GRM4: variants seen among roughly 807,000 people sequenced by gnomAD.
GRM4 encodes the protein glutamate metabotropic receptor 4, also known as metabotropic glutamate receptor 4.
GRM4 carries 28 observed loss-of-function variants against 81.7 expected under a neutral mutation model. The observed-to-expected ratio is 0.34, with a 90% CI of 0.25 to 0.47. The LOEUF is 0.47. GRM4 is among the 20% of genes least tolerant of loss of function. GRM4 has a pLI of 1.00. For missense variants in GRM4, 948 were observed against 1,290.0 expected, an observed-to-expected ratio of 0.73 and a Z score of 4.06; for synonymous variants, 488 against 528.8, an observed-to-expected ratio of 0.92 and a Z score of 1.06.
chr6:34,153,317 T>C (rs1189153543), intron 1 of GRM4, among the ~76,000 whole-genome samples: 1 of 152,190 alleles, frequency 6.6e-6, no homozygotes, highest in African/African-American at 2.4e-5. Flanking sequence ...CATGCCTGGC[T>C]CAGTCTCTGG....
chr6:34,114,605 T>G lies in GRM4; in HGVS notation c.519+18373A>C, dbSNP rs1437205921. 6.6e-6 allele frequency among the ~76,000 whole-genome samples: 1 copy of G among 152,030 alleles called. No individual in the cohort carries two copies. The highest frequency in any genetic ancestry group is 1.5e-5 in the Non-Finnish European group (1 of 67,990). ...TCACCCTCTGCCCAACCCTCCTGCA[T>G]GCCACATCCCTGTCACAGACAAGCC... On this transcript the variant is annotated intron_variant, in intron 2 of 10. Transcript: ENST00000538487. This position sits in a 1 kb window ranked among gnomAD's most constrained non-coding sequence, Gnocchi z 4.3.
At chr6:34,096,739 C>A (rs1041966311) in intron 2 of GRM4, among the ~76,000 whole-genome samples, 8 of 152,206 alleles carry the variant, frequency 5.3e-5, no homozygotes, top group Admixed American at 2.0e-4. Flanking sequence ...CCCAGGAGAG[C>A]CTCAGCTGAG....
In GRM4 at chr6:34,121,777, A is replaced by G. The variant is rs1223823200; in HGVS notation, c.519+11201T>C. On this transcript the variant is annotated intron_variant, in intron 2 of 10. Transcript: ENST00000538487. This position sits in a 1 kb window ranked among gnomAD's most constrained non-coding sequence, Gnocchi z 4.6. ...AGGAATGGGAGGAGGGACAGGAAGG[A>G]GAATCCAGCCTTCTCCTCACACATG... 1.3e-5 allele frequency among the ~76,000 whole-genome samples: 2 copies of G among 152,174 alleles called. No individual in the cohort carries two copies. The highest frequency in any genetic ancestry group is 4.8e-5 in the African/African-American group (2 of 41,434).
chr6:34,097,773 G>A (rs1008404689), intron 2 of GRM4, among the ~76,000 whole-genome samples: 2 of 152,170 alleles, frequency 1.3e-5, no homozygotes, highest in African/African-American at 4.8e-5. Flanking sequence ...CTGAAGGCTG[G>A]AGCTTTGTTC....
At chr6:34,116,682 C>T (rs1052407471) in intron 2 of GRM4, among the ~76,000 whole-genome samples, 1 of 152,124 alleles carries the variant, frequency 6.6e-6, no homozygotes, top group Non-Finnish European at 1.5e-5. Context: ...GAGAAACGAG[C>T]GTTTACATCC....
At position 34,022,775 on chromosome 6, in the gene GRM4, C is replaced by T; in HGVS notation, c.*46G>A. 6.4e-7 allele frequency: 1 copy of T among 1,567,562 alleles called. No homozygotes were observed. Among genetic ancestry groups the T allele is most frequent in the Non-Finnish European group, 8.8e-7 (1 of 1,137,832 alleles). ...TGTGGCCCTGGCCCGACGCACCTTC[C>T]ACAGGGTCACGGCTCCTCCTCCTGC... On this transcript the variant is annotated 3_prime_UTR_variant, in exon 11 of 11. Coordinates refer to ENST00000538487, the MANE Select transcript of GRM4 (RefSeq NM_000841.4). This position sits in a 1 kb window ranked among gnomAD's most constrained non-coding sequence, Gnocchi z 5.6.
rs1022283015 is a variant in GRM4 at position 34,027,470 on chromosome 6, A to G, written c.2689+650T>C. On this transcript the variant is annotated intron_variant, in intron 10 of 10. Transcript: ENST00000538487. ...GGTCTCCCCGGACAGTCCCCCAGAC[A>G]GGCAACTACCTGAGCGCCGCTAGGC... Among the ~76,000 whole-genome samples, 6 of 152,202 alleles carry G rather than the reference A, an allele frequency of 3.9e-5. 1 individual carries two copies. In the South Asian group the frequency reaches 6.2e-4, roughly 16 times the overall value.
At chr6:34,050,850 G>C (rs535713454) in intron 6 of GRM4, among the ~76,000 whole-genome samples, 12 of 152,262 alleles carry the variant, frequency 7.9e-5, no homozygotes, top group African/African-American at 2.6e-4. Flanking sequence ...CTCGCAGGAC[G>C]GCTCCCCAGG....
At position 34,152,816 on chromosome 6, in the gene GRM4, A is replaced by G. The variant is rs1771071430; in HGVS notation, c.312+2263T>C. The stretch of plus-strand genomic sequence containing the variant: ...TGGAGTGGGGTATGAGGCCCCCACA[A>G]TGGAAGACAAGGGGGACAGGCAGGA... On this transcript the variant is annotated intron_variant, in intron 1 of 8. Coordinates refer to the GRM4 transcript ENST00000374177. This position sits in a 1 kb window ranked among gnomAD's most constrained non-coding sequence, Gnocchi z 4.1. 6.7e-6 allele frequency among the ~76,000 whole-genome samples: 1 copy of G among 148,854 alleles called. No individual in the cohort carries two copies. Among genetic ancestry groups the G allele is most frequent in the Non-Finnish European group, 1.5e-5 (1 of 66,882 alleles).
Position 34,101,270 on chromosome 6 carries a change from T to G in GRM4, c.520-9171A>C, listed in dbSNP as rs143006773. ...AGTAGCTTCATGCACCTTAACACCT[T>G]CAATCTTACCATAGTCCTATGAGGT... On this transcript the variant is annotated intron_variant, in intron 2 of 10. Transcript: ENST00000538487. Among the ~76,000 whole-genome samples the G allele has an allele frequency of 8.7e-3, 1,329 of 152,272 alleles. 7 individuals carry two copies. Among genetic ancestry groups the G allele is most frequent in the Non-Finnish European group, 0.015 (996 of 68,010 alleles).
rs1411461823 is a variant in GRM4 at position 34,091,975 on chromosome 6, G to A, written c.644C>T (p.Ala215Val). The change falls in exon 3 of 11, where the codon GCC becomes GTC. Residue 215 changes from alanine to valine, a missense_variant. Transcript: ENST00000538487. ...TGTGGACACATAGTTCCACTTGAGG[G>A]CACGGACGATGTCCACCATGGCCTG... ...QAQAMVDIVR[A>V]LKWNYVSTVA... 3.7e-6 allele frequency: 6 copies of A among 1,614,068 alleles called. No homozygotes were observed. In the Admixed American group the frequency reaches 1.0e-4, roughly 27 times the overall value.
intron 2 of GRM4, among the ~76,000 whole-genome samples, chr6:34,093,078 GGGGAA>G (rs1180486371): frequency 6.6e-6 from 1 of 152,192 alleles, no homozygotes; most frequent in Non-Finnish European, 1.5e-5. Context: ...AGACAGGGGT[GGGGAA>G]TGCATATTGA....
chr6:34,148,405 C>CAG (rs904445449), upstream of GRM4, among the ~76,000 whole-genome samples: 4 of 2,848 alleles, frequency 1.4e-3, no homozygotes, highest in East Asian at 0.029. Context: ...GAGACACACA[C>CAG]ACAGACACAT....
At position 34,154,968 on chromosome 6, in the gene GRM4, C is replaced by T. The variant is rs181167474; in HGVS notation, c.312+111G>A. 2.3e-3 allele frequency: 2,101 copies of T among 895,498 alleles called. 8 individuals are homozygous for T. The highest frequency in any genetic ancestry group is 0.012 in the South Asian group (510 of 43,588). The allele number at this position is 895,498 out of a possible 1,614,324, so 55.5% of individuals were successfully genotyped here. ...GCCCTCATTGCACCCAGCGGCCGGG[C>T]CTGGGGCGGGTCCGAGCGGGACCCA... On this transcript the variant is annotated intron_variant, in intron 1 of 8. Coordinates refer to the GRM4 transcript ENST00000374177.
Position 34,104,726 on chromosome 6 carries a change from T to C in GRM4, c.520-12627A>G, listed in dbSNP as rs537145941. 1.5e-4 allele frequency among the ~76,000 whole-genome samples: 23 copies of C among 152,196 alleles called. No homozygotes were observed. In the South Asian group the frequency reaches 4.8e-3, roughly 32 times the overall value. On this transcript the variant is annotated intron_variant, in intron 2 of 10. Coordinates refer to ENST00000538487, the MANE Select transcript of GRM4 (RefSeq NM_000841.4). Reference sequence around the variant, plus strand: ...GCTGAGAGTCCCTGTTCCAGGTGTTTCCCCACCACATCCCTTGGGTGCCAC... The same window carrying C: ...GCTGAGAGTCCCTGTTCCAGGTGTTCCCCCACCACATCCCTTGGGTGCCAC...
chr6:34,044,363 G>GAC (rs1214470954), intron 6 of GRM4, among the ~76,000 whole-genome samples: 3 of 85,024 alleles, frequency 3.5e-5, no homozygotes, highest in South Asian at 3.8e-4. Context: ...TATATACACA[G>GAC]ACACACACAT....
At chr6:34,097,429 C>CTGTG (rs759998974) in intron 2 of GRM4, among the ~76,000 whole-genome samples, 9 of 35,332 alleles carry the variant, frequency 2.5e-4, no homozygotes, top group African/African-American at 6.9e-4. Context: ...GTGTGCATGC[C>CTGTG]TGTGTGTGTG....
chr6:34,125,254 T>G (rs548145269), intron 2 of GRM4, among the ~76,000 whole-genome samples: 85 of 152,296 alleles, frequency 5.6e-4, no homozygotes, highest in African/African-American at 1.9e-3. Flanking sequence ...ACCTTTTAAC[T>G]CTGCAGGAAT....
In GRM4 at chr6:34,092,953, G is replaced by A. The variant is rs1048344631; in HGVS notation, c.520-854C>T. Reference sequence around the variant, plus strand: ...CCTCTCCGCCCCTCCCCTCCAGGGCGCCACCCACTGCTCTGCTCTCCCGGC... The same window carrying A: ...CCTCTCCGCCCCTCCCCTCCAGGGCACCACCCACTGCTCTGCTCTCCCGGC... On this transcript the variant is annotated intron_variant, in intron 2 of 10. Transcript: ENST00000538487. This position sits in a 1 kb window ranked among gnomAD's most constrained non-coding sequence, Gnocchi z 6.8. 3.3e-5 allele frequency among the ~76,000 whole-genome samples: 5 copies of A among 152,072 alleles called. No homozygotes were observed. The highest frequency in any genetic ancestry group is 9.7e-5 in the African/African-American group (4 of 41,432).
Sources: allele counts gnomAD v4.1 joint callset (sites outside exome capture counted in the v4.1 genomes callset), GRCh38; gene constraint gnomAD v4.1.1; non-coding constraint Gnocchi (gnomAD v3.1); transcripts MANE v1.5; gene names NCBI Gene and HGNC (gene_info 2026-07-23, HGNC 2026-07-21).